The following ST18 variants were observed in gnomAD, a reference collection of about 807,000 sequenced individuals.
ST18 encodes the protein ST18 C2H2C-type zinc finger transcription factor, also known as suppression of tumorigenicity 18 protein.
In ST18, 50 loss-of-function variants were observed where a neutral mutation model predicts 110.0. That is an observed-to-expected ratio of 0.45 (90% CI 0.36 to 0.58). The LOEUF is 0.58. ST18 is among the 20% of genes least tolerant of loss of function. ST18 has a pLI of 0.00. For missense variants in ST18, 1,306 were observed against 1,280.1 expected (o/e 1.02, Z -0.31); for synonymous variants, 461 against 452.4 (o/e 1.02, Z -0.24).
At chr8:52,271,774 A>G (rs1474626028) in intron 2 of ST18, among the ~76,000 whole-genome samples, 1 of 152,230 alleles carries the variant, frequency 6.6e-6, no homozygotes, top group Non-Finnish European at 1.5e-5. Flanking sequence ...ACTGAGAAGA[A>G]GCTGTTCAAC....
intron 17 of ST18, among the ~76,000 whole-genome samples, chr8:52,139,648 G>A (rs999936827): frequency 2.0e-5 from 3 of 152,154 alleles, no homozygotes; most frequent in Non-Finnish European, 2.9e-5. Context: ...GAGCCACCGC[G>A]CCCGGCCTAT....
intron 5 of ST18, among the ~76,000 whole-genome samples, chr8:52,220,337 G>A (rs2086159690): frequency 6.6e-6 from 1 of 152,106 alleles, no homozygotes; most frequent in Non-Finnish European, 1.5e-5. Flanking sequence ...CACTCCAGAA[G>A]TCATCCACAG....
intron 5 of ST18, among the ~76,000 whole-genome samples, chr8:52,218,477 TC>T (rs140664138): frequency 0.12 from 17,895 of 150,294 alleles, 1,460 homozygotes; most frequent in Middle Eastern, 0.24. Context: ...CACCTCTGCC[TC>T]CCGGGTTCAA....
At chr8:52,120,428 GT>G (rs753657969) in intron 23 of ST18, among the ~76,000 whole-genome samples, 8 of 152,154 alleles carry the variant, frequency 5.3e-5, no homozygotes, top group Non-Finnish European at 7.3e-5. Context: ...AACATGAAGT[GT>G]TCTGAAGGAA....
chr8:52,156,278 C>T (rs1338045888), intron 15 of ST18, among the ~76,000 whole-genome samples: 2 of 152,200 alleles, frequency 1.3e-5, no homozygotes, highest in African/African-American at 4.8e-5. Context: ...AGCTATGAGT[C>T]CATCACCAGG....
intron 2 of ST18, among the ~76,000 whole-genome samples, chr8:52,397,847 A>G (rs985876806): frequency 2.0e-5 from 3 of 152,154 alleles, no homozygotes; most frequent in Non-Finnish European, 4.4e-5. Context: ...TTTGATTACT[A>G]TAGCTGTGTA....
At chr8:52,352,963 G>T (rs1821066593) in intron 2 of ST18, among the ~76,000 whole-genome samples, 1 of 152,158 alleles carries the variant, frequency 6.6e-6, no homozygotes, top group South Asian at 2.1e-4. Context: ...TAAACAAGCT[G>T]TGATCTTCCA....
At chr8:52,306,817 C>G (rs182972495) in intron 2 of ST18, among the ~76,000 whole-genome samples, 1 of 152,166 alleles carries the variant, frequency 6.6e-6, no homozygotes. Context: ...AAATCTATTT[C>G]CCAAACTTTG....
chr8:52,267,516 C>G (rs904129353), intron 2 of ST18, among the ~76,000 whole-genome samples: 1 of 147,516 alleles, frequency 6.8e-6, no homozygotes, highest in African/African-American at 2.5e-5. Flanking sequence ...CCAAAACCCT[C>G]TACACTCCCC....
chr8:52,403,195 C>T (rs1378416087), intron 2 of ST18: 1 of 152,252 alleles, frequency 6.6e-6, no homozygotes, highest in African/African-American at 2.4e-5. Flanking sequence ...GGGAATGTTG[C>T]ACTACCATGT....
At chr8:52,328,772 C>T (rs1231537183) in intron 2 of ST18, among the ~76,000 whole-genome samples, 1 of 152,070 alleles carries the variant, frequency 6.6e-6, no homozygotes, top group South Asian at 2.1e-4. Context: ...TTTAATTTTT[C>T]CAATAAAAAA....
intron 3 of ST18, chr8:52,229,817 T>A (rs2090770961): frequency 6.6e-6 from 1 of 152,100 alleles, no homozygotes; most frequent in Admixed American, 6.6e-5. Flanking sequence ...ACATATGAAG[T>A]CATGAATCAG....
At chr8:52,228,361 A>G (rs574052490) in intron 3 of ST18, among the ~76,000 whole-genome samples, 80 of 152,294 alleles carry the variant, frequency 5.3e-4, no homozygotes, top group African/African-American at 1.8e-3. Flanking sequence ...ACTCATTTAA[A>G]CTATAACACA....
At chr8:52,352,604 T>C (rs967844802) in intron 2 of ST18, among the ~76,000 whole-genome samples, 3 of 151,954 alleles carry the variant, frequency 2.0e-5, no homozygotes, top group Non-Finnish European at 4.4e-5. Context: ...AGACATAAGG[T>C]GTGTGAGAGG....
intron 15 of ST18, among the ~76,000 whole-genome samples, chr8:52,153,311 A>T (rs1182267995): frequency 1.3e-5 from 2 of 152,158 alleles, no homozygotes; most frequent in African/African-American, 4.8e-5. Flanking sequence ...TTCCCTGTTG[A>T]CTTGGCTGAG....
At chr8:52,323,176 T>C (rs1279477393) in intron 2 of ST18, among the ~76,000 whole-genome samples, 1 of 151,892 alleles carries the variant, frequency 6.6e-6, no homozygotes, top group Non-Finnish European at 1.5e-5. Context: ...TCTAGAATTA[T>C]GAATTTTTTA....
At chr8:52,259,213 G>C (rs56044387) in intron 2 of ST18, among the ~76,000 whole-genome samples, 5,928 of 152,204 alleles carry the variant, frequency 0.039, 411 homozygotes, top group African/African-American at 0.14. Context: ...GGGTCAACTG[G>C]ACCCCAAGCT....
chr8:52,134,753 T>C (rs1173018586), intron 19 of ST18, among the ~76,000 whole-genome samples: 3 of 152,220 alleles, frequency 2.0e-5, no homozygotes, highest in Non-Finnish European at 4.4e-5. Context: ...CTGGTCTTTT[T>C]CTATTAACAT....
rs528041845 is a variant in ST18, at chr8:52,359,662, A to C, written c.-465+49666T>G. Among the ~76,000 whole-genome samples, 4 of 152,270 alleles carry C rather than the reference A, an allele frequency of 2.6e-5. No homozygotes were observed. The South Asian group carries it at 8.3e-4, about 32-fold the overall frequency. On this transcript the variant is annotated intron_variant, in intron 2 of 25. Coordinates refer to ENST00000689386, the MANE Select transcript of ST18 (RefSeq NM_001352837.2). ...GATTTGTCCCTATTCAAGTAGTAAA[A>C]AAATGGCAGAGCCAGGATTTTAATC...
Sources: allele counts gnomAD v4.1 joint callset (sites outside exome capture counted in the v4.1 genomes callset), GRCh38; gene constraint gnomAD v4.1.1; transcripts MANE v1.5; gene names NCBI Gene and HGNC (gene_info 2026-07-23, HGNC 2026-07-21).